ZCCHC7: variants seen among roughly 807,000 people sequenced by gnomAD.
The protein encoded by ZCCHC7 is zinc finger CCHC-type containing 7.
ZCCHC7 carries 35 observed loss-of-function variants against 52.0 expected under a neutral mutation model. The ratio of observed to expected loss-of-function variants is 0.67; its 90% CI spans 0.51 to 0.89. The LOEUF (loss-of-function observed/expected upper bound fraction) is 0.89. Ranked by LOEUF, ZCCHC7 falls within the 40% of genes least tolerant of loss-of-function variation. The pLI, the probability that ZCCHC7 is intolerant of heterozygous loss-of-function variation, is 0.00. For missense variants in ZCCHC7, 574 were observed against 649.1 expected, an observed-to-expected ratio of 0.88 and a Z score of 1.26; for synonymous variants, 217 against 221.5, an observed-to-expected ratio of 0.98 and a Z score of 0.18.
chr9:37,247,918 A>AAATAAT (rs922086333), intron 2 of ZCCHC7, among the ~76,000 whole-genome samples: 2 of 151,504 alleles, frequency 1.3e-5, no homozygotes, highest in South Asian at 2.1e-4. Context: ...GTAAAAGTAA[A>AAATAAT]AATAATAATA....
rs994329661 is a variant in ZCCHC7 at position 37,336,461 on chromosome 9, G to A, written c.987+8627G>A. ...CCCTGCCTTTGTGATCGATGGTTAA[G>A]AGTATTACAGTGGAATAAGCAGAGT... On this transcript the variant is annotated intron_variant, in intron 6 of 8. Coordinates refer to ENST00000336755, the MANE Select transcript of ZCCHC7 (RefSeq NM_032226.3). Among the ~76,000 whole-genome samples the A allele has an allele frequency of 8.5e-5, 13 of 152,250 alleles. 1 individual carries two copies. The South Asian group carries it at 2.7e-3, about 32-fold the overall frequency.
At chr9:37,193,110 AAT>A (rs1316671531) in intron 2 of ZCCHC7, among the ~76,000 whole-genome samples, 1 of 152,194 alleles carries the variant, frequency 6.6e-6, no homozygotes, top group Non-Finnish European at 1.5e-5. Context: ...GCTTTTGAAT[AAT>A]GAGCCATTGA....
At chr9:37,349,795 CT>C (rs1431345625) in intron 7 of ZCCHC7, among the ~76,000 whole-genome samples, 2 of 149,074 alleles carry the variant, frequency 1.3e-5, no homozygotes. Context: ...TTTAGATTTT[CT>C]TTTTTTTTTG....
chr9:37,213,158 G>GT (rs1241685316), intron 2 of ZCCHC7, among the ~76,000 whole-genome samples: 5 of 152,122 alleles, frequency 3.3e-5, no homozygotes, highest in African/African-American at 9.7e-5. Context: ...TACCAAGAAG[G>GT]ATTAATGAGG....
At chr9:37,308,361 T>G (rs958311439) in intron 5 of ZCCHC7, among the ~76,000 whole-genome samples, 8 of 152,168 alleles carry the variant, frequency 5.3e-5, no homozygotes, top group African/African-American at 1.4e-4. Flanking sequence ...TTTTACTGTT[T>G]TCTTCCAAAG....
chr9:37,252,362 A>G (rs1352513006), intron 2 of ZCCHC7, among the ~76,000 whole-genome samples: 3 of 152,214 alleles, frequency 2.0e-5, no homozygotes. Flanking sequence ...CTAAGGCAAA[A>G]GTAAAAATAT....
At chr9:37,137,710 G>A (rs1843057877) in intron 2 of ZCCHC7, among the ~76,000 whole-genome samples, 1 of 152,052 alleles carries the variant, frequency 6.6e-6, no homozygotes, top group Admixed American at 6.5e-5. Context: ...CAGGTCTTAA[G>A]GTACAACTTT....
chr9:37,293,722 T>C (rs2133645127), intron 2 of ZCCHC7, among the ~76,000 whole-genome samples: 1 of 152,290 alleles, frequency 6.6e-6, no homozygotes, highest in Admixed American at 6.5e-5. Context: ...TTTAAATTTC[T>C]GAATAAATAT....
chr9:37,343,665 G>A (rs1820776727), intron 6 of ZCCHC7, among the ~76,000 whole-genome samples: 1 of 152,184 alleles, frequency 6.6e-6, no homozygotes, highest in Non-Finnish European at 1.5e-5. Context: ...TTCAGTGTTT[G>A]TATCTACTTT....
chr9:37,254,837 C>CTT (rs59489076), intron 2 of ZCCHC7, among the ~76,000 whole-genome samples: 13 of 93,474 alleles, frequency 1.4e-4, no homozygotes, highest in Admixed American at 5.7e-4. Flanking sequence ...CAAAAAGTTT[C>CTT]TTTTTTTTTT....
chr9:37,283,117 T>C (rs1195648756), intron 2 of ZCCHC7, among the ~76,000 whole-genome samples: 1 of 152,052 alleles, frequency 6.6e-6, no homozygotes, highest in Non-Finnish European at 1.5e-5. Flanking sequence ...TTATATTGAG[T>C]TGGCGTAGTT....
intron 2 of ZCCHC7, among the ~76,000 whole-genome samples, chr9:37,157,197 G>GAA (rs112401588): frequency 2.2e-5 from 3 of 133,834 alleles, no homozygotes; most frequent in Non-Finnish European, 3.2e-5. Flanking sequence ...AAACTTAGTT[G>GAA]AAAAAAAAAA....
intron 6 of ZCCHC7, among the ~76,000 whole-genome samples, chr9:37,348,411 C>T (rs1397147330): frequency 1.9e-5 from 2 of 105,956 alleles, no homozygotes; most frequent in Non-Finnish European, 3.8e-5. Flanking sequence ...TGGAGTCTCG[C>T]TTTTGTCGCT....
intron 2 of ZCCHC7, among the ~76,000 whole-genome samples, chr9:37,279,408 C>CT: frequency 6.7e-6 from 1 of 149,088 alleles, no homozygotes; most frequent in Admixed American, 6.7e-5. Flanking sequence ...AGAACAGACA[C>CT]TTAAAAAAAA....
In ZCCHC7 at chr9:37,357,419, T is replaced by A. The variant is rs1216740703; in HGVS notation, c.*151T>A. Reference sequence around the variant, plus strand: ...CAGCCATTCCTAGAGTTACTGAATATCCATGGAGATCTCAATTCTCTGTGT... The same window carrying A: ...CAGCCATTCCTAGAGTTACTGAATAACCATGGAGATCTCAATTCTCTGTGT... On this transcript the variant is annotated 3_prime_UTR_variant, in exon 9 of 9. Coordinates refer to ENST00000336755, the MANE Select transcript of ZCCHC7 (RefSeq NM_032226.3). The A allele has an allele frequency of 4.8e-6, 3 of 622,646 alleles. No homozygotes were observed. The highest frequency in any genetic ancestry group is 1.9e-5 in the African/African-American group (1 of 53,932). 38.6% of individuals were successfully genotyped at this position (622,646 alleles called of 1,614,324 possible). A position where few individuals can be genotyped will look rare whatever the true frequency, so the allele number is the denominator to read the frequency against.
chr9:37,322,870 G>C (rs1830106720), intron 5 of ZCCHC7, among the ~76,000 whole-genome samples: 1 of 151,952 alleles, frequency 6.6e-6, no homozygotes, highest in Non-Finnish European at 1.5e-5. Context: ...ATTTATTTCA[G>C]CTACTTTATT....
chr9:37,155,999 C>T (rs1820793549), intron 2 of ZCCHC7, among the ~76,000 whole-genome samples: 1 of 152,214 alleles, frequency 6.6e-6, no homozygotes. Flanking sequence ...AAAGTGACCC[C>T]AGCGTTCCTA....
chr9:37,228,031 A>C (rs1289100407), intron 2 of ZCCHC7, among the ~76,000 whole-genome samples: 2 of 152,164 alleles, frequency 1.3e-5, no homozygotes, highest in Non-Finnish European at 2.9e-5. Flanking sequence ...TCCTGGCCTC[A>C]AGTGATCCAC....
At chr9:37,203,937 A>T (rs940949494) in intron 2 of ZCCHC7, among the ~76,000 whole-genome samples, 1 of 152,156 alleles carries the variant, frequency 6.6e-6, no homozygotes, top group African/African-American at 2.4e-5. Context: ...ATATAAAAGC[A>T]TTTGTATTTC....
Sources: gnomAD v4.1 joint callset for allele counts (sites outside exome capture counted in the v4.1 genomes callset) on GRCh38, gnomAD v4.1.1 for gene constraint, MANE v1.5 for transcripts, NCBI Gene and HGNC (gene_info 2026-07-23, HGNC 2026-07-21) for gene names.